The following EPG5 variants were observed in gnomAD, a reference collection of about 807,000 sequenced individuals.
The protein encoded by EPG5 is ectopic P granules protein 5 homolog.
In EPG5, 159 loss-of-function variants were observed where a neutral mutation model predicts 302.7. The observed-to-expected ratio is 0.53, with a 90% CI of 0.46 to 0.60. The LOEUF is 0.60. Among genes scored for constraint, EPG5 ranks in the 20% least tolerant of loss-of-function variants. The pLI is 0.00. For synonymous variants in EPG5, 1,158 were observed against 1,136.8 expected (o/e 1.02, Z -0.37); for missense variants, 2,896 against 3,092.4 (o/e 0.94, Z 1.51).
In EPG5 at chr18:45,943,315, G is replaced by A; in HGVS notation, c.1793-4C>T. The stretch of plus-strand genomic sequence containing the variant: ...GTTGTTTCAGGTAAATAATCACCTA[G>A]AAGTTAATCAGATAAAAGAAAAAAA... On this transcript the variant is annotated splice_region_variant and splice_polypyrimidine_tract_variant and intron_variant, in intron 8 of 43. Transcript: ENST00000282041. The A allele has an allele frequency of 6.2e-7, 1 of 1,612,652 alleles. No homozygotes were observed. Among genetic ancestry groups the A allele is most frequent in the Non-Finnish European group, 8.5e-7 (1 of 1,179,016 alleles).
chr18:45,914,273 A>G (rs1413331389), intron 20 of EPG5, among the ~76,000 whole-genome samples: 1 of 152,248 alleles, frequency 6.6e-6, no homozygotes, highest in Non-Finnish European at 1.5e-5. Context: ...TGTAGATGTC[A>G]GAGGGAAAGG....
Position 45,857,915 on chromosome 18 carries a change from C to T in EPG5, c.7380G>A (p.Glu2460=). 6.2e-7 allele frequency: 1 copy of T among 1,612,774 alleles called. No individual in the cohort carries two copies. The highest frequency in any genetic ancestry group is 1.1e-5 in the South Asian group (1 of 91,008). ...CCCCCAGGATCCCAGAGCTGAGTCTCTCCTCAGCCACGAGGTTCTGCCTGC... is the reference window on the plus strand; with the variant it reads ...CCCCCAGGATCCCAGAGCTGAGTCTTTCCTCAGCCACGAGGTTCTGCCTGC... ...VQSRQNLVAE[E]RLSSGILGAI... Residue 2460 remains glutamate, a synonymous_variant, in exon 42 of 44, where the codon GAG becomes GAA. Coordinates refer to ENST00000282041, the MANE Select transcript of EPG5 (RefSeq NM_020964.3).
intron 27 of EPG5, among the ~76,000 whole-genome samples, chr18:45,893,647 T>C (rs1194668591): frequency 1.3e-5 from 2 of 151,962 alleles, no homozygotes; most frequent in South Asian, 2.1e-4. Context: ...CAAAAAGTAC[T>C]GTGAACATGG....
intron 29 of EPG5, among the ~76,000 whole-genome samples, chr18:45,886,125 C>CT (rs1396304661): frequency 1.3e-5 from 2 of 152,194 alleles, no homozygotes; most frequent in African/African-American, 4.8e-5. Context: ...GGCAGAGTGA[C>CT]TATGTCAAGC....
At chr18:45,824,056 T>C in the EPG5 span, among the ~76,000 whole-genome samples, 1 of 151,756 alleles carries the variant, frequency 6.6e-6, no homozygotes. Context: ...ACCCAGAGGA[T>C]GAAAATGGGT....
At chr18:45,897,630 T>C (rs1467829009) in intron 27 of EPG5, among the ~76,000 whole-genome samples, 1 of 152,200 alleles carries the variant, frequency 6.6e-6, no homozygotes, top group African/African-American at 2.4e-5. Flanking sequence ...TAACTCAATG[T>C]TTAAGAGTCG....
intron 1 of EPG5, among the ~76,000 whole-genome samples, chr18:45,961,015 G>A (rs909846447): frequency 6.6e-6 from 1 of 152,084 alleles, no homozygotes; most frequent in African/African-American, 2.4e-5. Context: ...TCCACCCACA[G>A]CTTTCTCCTT....
intron 17 of EPG5, 22 bp from the exon 18 acceptor site, chr18:45,916,604 G>A (rs764328731): frequency 7.0e-6 from 11 of 1,574,610 alleles, no homozygotes; most frequent in Middle Eastern, 1.7e-4. Flanking sequence ...ACAGGAGGAC[G>A]CACTTTACCT....
chr18:45,842,445 G>C, the EPG5 span: 2 of 421,552 alleles, frequency 4.7e-6, no homozygotes, highest in South Asian at 3.4e-5. Flanking sequence ...GTGTGTGTGA[G>C]AGAGAGAGAG....
At chr18:45,960,601 GA>G (rs1253411987) in intron 1 of EPG5, among the ~76,000 whole-genome samples, 1 of 152,144 alleles carries the variant, frequency 6.6e-6, no homozygotes, top group Non-Finnish European at 1.5e-5. Flanking sequence ...GATAAATAGA[GA>G]AAAACATGCT....
rs1471631349 is a variant in EPG5 at position 45,913,792 on chromosome 18, T to C, written c.3730A>G (p.Ile1244Val). Residue 1244 changes from isoleucine to valine, a missense_variant, in exon 21 of 44, where the codon ATC (isoleucine) becomes GTC (valine). Coordinates refer to ENST00000282041, the MANE Select transcript of EPG5 (RefSeq NM_020964.3). ...CGGAGCTGGGAGTCCTCTTCAAAGATGGATTCCATGTTGAGCACTGTCCAG... is the reference window on the plus strand; with the variant it reads ...CGGAGCTGGGAGTCCTCTTCAAAGACGGATTCCATGTTGAGCACTGTCCAG... The part of the protein sequence containing the change: ...FAWTVLNMES[I>V]FEEDSQLRRV... 6.2e-7 allele frequency: 1 copy of C among 1,614,064 alleles called. No individual in the cohort carries two copies. The highest frequency in any genetic ancestry group is 1.7e-5 in the Admixed American group (1 of 60,004).
At chr18:45,838,956 C>A in the EPG5 span, 2 of 1,604,928 alleles carry the variant, frequency 1.2e-6, no homozygotes, top group Admixed American at 1.7e-5. Flanking sequence ...GCCTGGGCCG[C>A]TCCGAGGCCA....
intron 37 of EPG5, 69 bp downstream of exon 37, chr18:45,867,494 T>C: frequency 7.7e-7 from 1 of 1,294,146 alleles, no homozygotes; most frequent in South Asian, 1.3e-5. Context: ...AATGAAAAAC[T>C]ACGACCTAGT....
the EPG5 span, chr18:45,837,006 G>A: frequency 8.5e-6 from 10 of 1,178,760 alleles, no homozygotes; most frequent in Admixed American, 1.0e-4. Flanking sequence ...GTGTAACCCG[G>A]GGTTAACTGT....
At chr18:45,846,856 G>C (rs2048369342), downstream of EPG5, among the ~76,000 whole-genome samples, 1 of 152,198 alleles carries the variant, frequency 6.6e-6, no homozygotes, top group Non-Finnish European at 1.5e-5. Context: ...GGGTGGCAAA[G>C]AAAGACCAAG....
chr18:45,944,059 C>A lies in EPG5; in HGVS notation c.1738G>T (p.Ala580Ser). 3.1e-6 allele frequency: 5 copies of A among 1,614,048 alleles called. No individual in the cohort carries two copies. Among genetic ancestry groups the A allele is most frequent in the Non-Finnish European group, 4.2e-6 (5 of 1,179,956 alleles). Reference protein sequence around the residue: ...LNEDDLVTILAQFPFHELFQH... With the variant: ...LNEDDLVTILSQFPFHELFQH... ...AAGAGTTCATGAAAGGGGAACTGTG[C>A]TAAAATGGTAACCAAATCATCTTCA... is the stretch of plus-strand genomic sequence containing the variant. The change falls in exon 8 of 44, where the codon GCA (alanine) becomes TCA (serine). Residue 580 changes from alanine to serine, a missense_variant. By Grantham distance (99) the Ala-to-Ser change is moderately conservative. Around this residue, in one of 5 missense-constraint regions of EPG5, gnomAD observed 1,390 missense variants for 1,430.0 expected, o/e 0.97. Transcript: ENST00000282041.
chr18:45,825,177 A>AG, the EPG5 span, among the ~76,000 whole-genome samples: 1 of 114,488 alleles, frequency 8.7e-6, no homozygotes, highest in Non-Finnish European at 1.9e-5. Context: ...GGAGGGAGGA[A>AG]GAGAGGGAGG....
chr18:45,959,727 A>G (rs1396494541), intron 1 of EPG5, among the ~76,000 whole-genome samples: 1 of 151,952 alleles, frequency 6.6e-6, no homozygotes, highest in African/African-American at 2.4e-5. Flanking sequence ...TGCCTGTAAT[A>G]CCAGCACTTT....
At chr18:45,883,976 G>T (rs1234117688) in intron 30 of EPG5, among the ~76,000 whole-genome samples, 3 of 151,456 alleles carry the variant, frequency 2.0e-5, no homozygotes, top group Non-Finnish European at 4.4e-5. Flanking sequence ...AAGGCAATTT[G>T]CTTAGATCCA....
Sources: allele counts gnomAD v4.1 joint callset (sites outside exome capture counted in the v4.1 genomes callset), GRCh38; gene constraint gnomAD v4.1.1; regional missense constraint gnomAD v4.1.1; transcripts MANE v1.5; gene names NCBI Gene and HGNC (gene_info 2026-07-23, HGNC 2026-07-21).